SWAP70: variants seen among roughly 807,000 people sequenced by gnomAD.
SWAP70 encodes switch-associated protein 70.
A neutral mutation model predicts 80.2 loss-of-function variants in SWAP70; 34 were observed. The ratio of observed to expected loss-of-function variants is 0.42; its 90% confidence interval spans 0.32 to 0.56. The LOEUF (loss-of-function observed/expected upper bound fraction) is 0.56, where lower values mean the gene tolerates loss of function less well. SWAP70 is among the 20% of genes least tolerant of loss of function. The pLI is 0.09. For synonymous variants in SWAP70, 239 were observed against 238.5 expected, an observed-to-expected ratio of 1.00 and a Z score of -0.02; for missense variants, 578 against 690.7, an observed-to-expected ratio of 0.84 and a Z score of 1.83.
chr11:9,675,140 TAGAG>T (rs1393311726), intron 1 of SWAP70, among the ~76,000 whole-genome samples: 2 of 151,840 alleles, frequency 1.3e-5, no homozygotes, highest in African/African-American at 4.8e-5. Flanking sequence ...TTTAAAAAGT[TAGAG>T]AGGTATGGTG....
intron 3 of SWAP70, among the ~76,000 whole-genome samples, chr11:9,716,213 A>G (rs1023633484): frequency 6.6e-6 from 1 of 152,168 alleles, no homozygotes; most frequent in Non-Finnish European, 1.5e-5. Flanking sequence ...AGAGAGTGAT[A>G]GGTGAATAGA....
At chr11:9,701,304 T>G (rs1850828160) in intron 2 of SWAP70, among the ~76,000 whole-genome samples, 1 of 151,930 alleles carries the variant, frequency 6.6e-6, no homozygotes. Context: ...CCCGAGTAGC[T>G]GGGATTACAG....
At chr11:9,748,350 G>C (rs932923242) in intron 10 of SWAP70, among the ~76,000 whole-genome samples, 5 of 152,206 alleles carry the variant, frequency 3.3e-5, no homozygotes, top group Admixed American at 6.5e-5. Flanking sequence ...AACAGCAGAC[G>C]TAGGGAGCAG....
intron 1 of SWAP70, among the ~76,000 whole-genome samples, chr11:9,672,329 T>C (rs1255327219): frequency 6.8e-6 from 1 of 147,906 alleles, no homozygotes; most frequent in Non-Finnish European, 1.5e-5. Flanking sequence ...ATTGACATCA[T>C]CTTTGGAATA....
chr11:9,690,899 ATT>A (rs1310067707), intron 1 of SWAP70, among the ~76,000 whole-genome samples: 2 of 151,854 alleles, frequency 1.3e-5, no homozygotes, highest in African/African-American at 4.8e-5. Flanking sequence ...ATACATATAT[ATT>A]ATAATTAATT....
intron 3 of SWAP70, among the ~76,000 whole-genome samples, chr11:9,715,971 A>G (rs906019234): frequency 6.6e-5 from 10 of 152,236 alleles, no homozygotes; most frequent in East Asian, 1.9e-4. Context: ...ACTAGCTGCA[A>G]CGGAGTCTTG....
At chr11:9,671,880 T>C (rs1274351516) in intron 1 of SWAP70, among the ~76,000 whole-genome samples, 2 of 86,956 alleles carry the variant, frequency 2.3e-5, no homozygotes, top group Admixed American at 1.5e-4. Flanking sequence ...AATTTAAATA[T>C]AATTTTAATT....
intron 8 of SWAP70, among the ~76,000 whole-genome samples, chr11:9,739,062 C>G (rs1220881744): frequency 6.6e-6 from 1 of 152,172 alleles, no homozygotes; most frequent in Admixed American, 6.5e-5. Flanking sequence ...TATATCTCCT[C>G]TGTAATAAGC....
intron 1 of SWAP70, among the ~76,000 whole-genome samples, chr11:9,688,279 G>A (rs995844003): frequency 6.6e-6 from 1 of 152,232 alleles, no homozygotes; most frequent in Admixed American, 6.5e-5. Context: ...GGGCCTTTCA[G>A]AAATGTACAG....
At chr11:9,665,413 A>T (rs1394579296) in intron 1 of SWAP70, among the ~76,000 whole-genome samples, 1 of 152,176 alleles carries the variant, frequency 6.6e-6, no homozygotes, top group Admixed American at 6.5e-5. Context: ...TTAAATATTA[A>T]CATACAGTAA....
intron 6 of SWAP70, among the ~76,000 whole-genome samples, 171 bp downstream of exon 6, chr11:9,729,622 C>T (rs1851270619): frequency 6.6e-6 from 1 of 152,084 alleles, no homozygotes; most frequent in Admixed American, 6.5e-5. Context: ...TCTCAGCCTC[C>T]AGAGTAGCTG....
chr11:9,713,784 A>G, intron 3 of SWAP70, 145 bp downstream of exon 3: 4 of 946,222 alleles, frequency 4.2e-6, no homozygotes, highest in Non-Finnish European at 6.3e-6. Context: ...GCCTGAGTAT[A>G]GAAAAGCTCC....
At chr11:9,691,494 G>GT (rs1850697179) in intron 1 of SWAP70, among the ~76,000 whole-genome samples, 1 of 152,212 alleles carries the variant, frequency 6.6e-6, no homozygotes, top group Non-Finnish European at 1.5e-5. Flanking sequence ...CCATCCCTGT[G>GT]TTTAACAAGA....
rs767409385 is a variant in SWAP70 at position 9,664,130 on chromosome 11, G to C, written c.-50G>C. ...GGAGGTTGAGGGGCGTCCGAGGCGC[G>C]GAGGGGCTGGCTGGGCAGGAGGGGT... On this transcript the variant is annotated 5_prime_UTR_variant, in exon 1 of 12. Transcript: ENST00000318950. 8 of 1,514,600 alleles carry C rather than the reference G, an allele frequency of 5.3e-6. No homozygotes were observed. The highest frequency in any genetic ancestry group is 4.4e-6 in the Non-Finnish European group (5 of 1,128,248). 93.8% of individuals were successfully genotyped at this position (1,514,600 alleles called of 1,614,324 possible).
intron 5 of SWAP70, 142 bp from the exon 6 acceptor site, chr11:9,729,201 A>C: frequency 1.6e-6 from 1 of 640,500 alleles, no homozygotes; most frequent in Non-Finnish European, 2.7e-6. Flanking sequence ...GTGCTTAGGA[A>C]ACAGCATTAG....
chr11:9,738,266 G>T lies in SWAP70; in HGVS notation c.1134G>T (p.Gln378His). Residue 378 changes from glutamine (Q) to histidine (H), a missense_variant, in exon 8 of 12, where the codon CAG becomes CAT. Physicochemically the swap from Gln to His is conservative, Grantham distance 24 (BLOSUM62 0). Transcript: ENST00000318950. ...CAGAAGAGGAAAAGAAACGCCTTCA[G>T]ACTCAAGTGGAACTTCAGGCCAGGT... ...RAAEEEKKRLQTQVELQARFS... is the reference protein window; with the variant it reads ...RAAEEEKKRLHTQVELQARFS... The T allele has an allele frequency of 1.9e-6, 3 of 1,611,818 alleles. No homozygotes were observed. The highest frequency in any genetic ancestry group is 2.5e-6 in the Non-Finnish European group (3 of 1,178,956).
chr11:9,729,744 G>A (rs773430046), intron 6 of SWAP70, among the ~76,000 whole-genome samples: 2 of 152,050 alleles, frequency 1.3e-5, no homozygotes, highest in Non-Finnish European at 2.9e-5. Context: ...CACCTGCCTT[G>A]GCCTCCCAAA....
At position 9,724,882 on chromosome 11, in the gene SWAP70, G is replaced by T; in HGVS notation, c.639G>T (p.Lys213Asn). 6.4e-7 allele frequency: 1 copy of T among 1,572,652 alleles called. No homozygotes were observed. Among genetic ancestry groups the T allele is most frequent in the African/African-American group, 1.4e-5 (1 of 73,868 alleles). ...VFNELILDVL[K>N]QGYMMKKGHR... ...ATGAACTTATATTAGATGTGTTAAAGCAGGTAAGAATTCTGTTACTGTTTT... is the reference window on the plus strand; with the variant it reads ...ATGAACTTATATTAGATGTGTTAAATCAGGTAAGAATTCTGTTACTGTTTT... The change falls in exon 4 of 12, where the codon AAG becomes AAT. Residue 213 changes from lysine to asparagine, a missense_variant. Physicochemically the swap from Lys to Asn is moderately conservative, Grantham distance 94 (BLOSUM62 0). Transcript: ENST00000318950.
intron 9 of SWAP70, among the ~76,000 whole-genome samples, chr11:9,743,691 A>T (rs1421212903): frequency 6.6e-6 from 1 of 151,842 alleles, no homozygotes; most frequent in African/African-American, 2.4e-5. Context: ...GGCTGCATAA[A>T]TGTCTTCTTT....
Sources: allele counts gnomAD v4.1 joint callset (sites outside exome capture counted in the v4.1 genomes callset), GRCh38; gene constraint gnomAD v4.1.1; transcripts MANE v1.5; gene names NCBI Gene and HGNC (gene_info 2026-07-23, HGNC 2026-07-21).